The following TBPL1 variants were observed in gnomAD, a reference collection of about 807,000 sequenced individuals.
The protein encoded by TBPL1 is TATA box-binding protein-like 1.
Under a neutral mutation model 22.1 loss-of-function variants are expected in TBPL1, and 4 were observed. That is an observed-to-expected ratio of 0.18 (90% CI 0.09 to 0.41). TBPL1 has a LOEUF of 0.41. Ranked by LOEUF, TBPL1 falls within the 10% of genes least tolerant of loss-of-function variation. The pLI, the probability that TBPL1 is intolerant of heterozygous loss-of-function variation, is 1.00. For synonymous variants in TBPL1, 64 were observed against 71.0 expected (o/e 0.90, Z 0.50); for missense variants, 115 against 222.3 (o/e 0.52, Z 3.07).
At chr6:133,974,795 A>G (rs1166138727) in intron 1 of TBPL1, among the ~76,000 whole-genome samples, 1 of 152,244 alleles carries the variant, frequency 6.6e-6, no homozygotes. Context: ...ATATTTGCCA[A>G]TATAAGTAAG....
intron 2 of TBPL1, among the ~76,000 whole-genome samples, 193 bp from the exon 3 acceptor site, chr6:133,982,375 A>G (rs1045416028): frequency 6.6e-6 from 1 of 152,208 alleles, no homozygotes; most frequent in East Asian, 1.9e-4. Context: ...TAATTAATCA[A>G]ATGTCTTTTT....
intron 1 of TBPL1, among the ~76,000 whole-genome samples, chr6:133,973,198 C>T (rs1251651158): frequency 2.0e-5 from 3 of 152,118 alleles, no homozygotes; most frequent in Admixed American, 6.6e-5. Context: ...CTTTGAATGG[C>T]CTGTCTTTCT....
intron 1 of TBPL1, among the ~76,000 whole-genome samples, chr6:133,956,706 C>T (rs1042198382): frequency 3.3e-5 from 5 of 152,160 alleles, no homozygotes; most frequent in Admixed American, 6.5e-5. Flanking sequence ...TTCTTGATGC[C>T]TAAAATTTCA....
chr6:133,966,660 T>C (rs1776124002), intron 1 of TBPL1, among the ~76,000 whole-genome samples: 2 of 152,216 alleles, frequency 1.3e-5, no homozygotes, highest in African/African-American at 2.4e-5. Context: ...AAACCTGCCC[T>C]TTCTCCAGTG....
At chr6:133,978,139 A>G (rs765045808) in intron 1 of TBPL1, among the ~76,000 whole-genome samples, 1 of 152,186 alleles carries the variant, frequency 6.6e-6, no homozygotes, top group Non-Finnish European at 1.5e-5. Flanking sequence ...ATGTTGGGGT[A>G]AGCAGCCAGG....
intron 1 of TBPL1, among the ~76,000 whole-genome samples, chr6:133,957,141 G>A (rs1414620812): frequency 6.6e-6 from 1 of 152,200 alleles, no homozygotes; most frequent in African/African-American, 2.4e-5. Context: ...GTGGGTTGAA[G>A]CATGCTATGG....
At chr6:133,985,840 A>AT (rs1264055398) in intron 6 of TBPL1, 1 of 152,158 alleles carries the variant, frequency 6.6e-6, no homozygotes, top group Non-Finnish European at 1.5e-5. Flanking sequence ...TGCATCTTAA[A>AT]TATGGGATGA....
intron 1 of TBPL1, among the ~76,000 whole-genome samples, chr6:133,978,179 A>G (rs1432998889): frequency 6.6e-6 from 1 of 152,202 alleles, no homozygotes; most frequent in Non-Finnish European, 1.5e-5. Context: ...TGCTGTCCAG[A>G]TGGCTCAGTA....
chr6:133,983,193 T>G (rs1776446892), intron 4 of TBPL1, among the ~76,000 whole-genome samples: 1 of 152,214 alleles, frequency 6.6e-6, no homozygotes, highest in Non-Finnish European at 1.5e-5. Flanking sequence ...TGGTTTTTGG[T>G]CATCTCAAGA....
chr6:133,962,820 G>T (rs770572846), intron 1 of TBPL1, among the ~76,000 whole-genome samples: 30 of 152,188 alleles, frequency 2.0e-4, no homozygotes, highest in Non-Finnish European at 1.9e-4. Context: ...TACAATTTCA[G>T]GGGGTTCCTA....
At chr6:133,971,579 GTGTTGTTGT>G (rs150184171) in intron 1 of TBPL1, among the ~76,000 whole-genome samples, 96 of 151,052 alleles carry the variant, frequency 6.4e-4, no homozygotes, top group Non-Finnish European at 1.1e-3. Flanking sequence ...CAATACATAG[GTGTTGTTGT>G]TGTTGTTGTT....
At chr6:133,977,858 T>C (rs1378336395) in intron 1 of TBPL1, among the ~76,000 whole-genome samples, 1 of 152,224 alleles carries the variant, frequency 6.6e-6, no homozygotes, top group Non-Finnish European at 1.5e-5. Context: ...ACTTGAGCTC[T>C]AGCTCTCATA....
Position 133,987,831 on chromosome 6 carries a change from A to G in TBPL1, c.*791A>G, listed in dbSNP as rs1776560482. The G allele has an allele frequency of 6.6e-6, 1 of 152,570 alleles. No homozygotes were observed. Among genetic ancestry groups the G allele is most frequent in the African/African-American group, 2.4e-5 (1 of 41,452 alleles). 9.5% of individuals were successfully genotyped at this position (152,570 alleles called of 1,614,324 possible). ...TTTTATGTTGCTAATTTAATATGAT[A>G]GAAAATGTTAAATAACTTGTAAAGG... On this transcript the variant is annotated 3_prime_UTR_variant, in exon 7 of 7. Transcript: ENST00000237264.
At chr6:133,962,344 A>T (rs764636060) in intron 1 of TBPL1, among the ~76,000 whole-genome samples, 1 of 152,220 alleles carries the variant, frequency 6.6e-6, no homozygotes, top group Non-Finnish European at 1.5e-5. Flanking sequence ...AGAGAGTTCT[A>T]TTAGAAGCCT....
At chr6:133,955,780 A>G (rs959801004) in intron 1 of TBPL1, among the ~76,000 whole-genome samples, 4 of 152,216 alleles carry the variant, frequency 2.6e-5, no homozygotes, top group Non-Finnish European at 5.9e-5. Flanking sequence ...GATTTTCATG[A>G]TTCTTATTCT....
chr6:133,961,346 T>G (rs1776018857), intron 1 of TBPL1, among the ~76,000 whole-genome samples: 1 of 152,150 alleles, frequency 6.6e-6, no homozygotes, highest in Non-Finnish European at 1.5e-5. Flanking sequence ...CAGTAGACAC[T>G]TATAACACCA....
At chr6:133,957,725 A>G (rs1400319280) in intron 1 of TBPL1, among the ~76,000 whole-genome samples, 1 of 152,226 alleles carries the variant, frequency 6.6e-6, no homozygotes, top group Non-Finnish European at 1.5e-5. Flanking sequence ...TAAATATTAA[A>G]TAGCTTTCTC....
chr6:133,988,972 T>A lies in TBPL1; in HGVS notation c.*1932T>A, dbSNP rs1340960162. 6.6e-6 allele frequency: 1 copy of A among 152,170 alleles called. No homozygotes were observed. The highest frequency in any genetic ancestry group is 1.5e-5 in the Non-Finnish European group (1 of 68,024). The allele number at this position is 152,170 out of a possible 1,614,324, so 9.4% of individuals were successfully genotyped here. On this transcript the variant is annotated 3_prime_UTR_variant, in exon 7 of 7. Coordinates refer to ENST00000237264, the MANE Select transcript of TBPL1 (RefSeq NM_004865.4). ...AGGTACAGATCCAGATGATGTAACC[T>A]TTTTAGTATTCGCATGACTTGAAAA... is the stretch of plus-strand genomic sequence containing the variant.
chr6:133,960,907 G>C (rs1044707285), intron 1 of TBPL1, among the ~76,000 whole-genome samples: 1 of 152,198 alleles, frequency 6.6e-6, no homozygotes, highest in Non-Finnish European at 1.5e-5. Flanking sequence ...AAGGTCAGTA[G>C]GTGTGTTTTA....
Sources: allele counts gnomAD v4.1 joint callset (sites outside exome capture counted in the v4.1 genomes callset), GRCh38; gene constraint gnomAD v4.1.1; transcripts MANE v1.5; gene names NCBI Gene and HGNC (gene_info 2026-07-23, HGNC 2026-07-21).